The following MSI2 variants were observed in gnomAD, a reference collection of about 807,000 sequenced individuals.
The protein encoded by MSI2 is musashi RNA binding protein 2.
A neutral mutation model predicts 45.6 loss-of-function variants in MSI2; 17 were observed. The ratio of observed to expected loss-of-function variants is 0.37; its 90% CI spans 0.26 to 0.56. MSI2 has a LOEUF of 0.56. Ranked by LOEUF, MSI2 falls within the 20% of genes least tolerant of loss-of-function variation. The pLI, the probability that MSI2 is intolerant of heterozygous loss-of-function variation, is 0.77. For missense variants in MSI2, 293 were observed against 444.2 expected (o/e 0.66, Z 3.06); for synonymous variants, 156 against 158.2 (o/e 0.99, Z 0.11).
chr17:57,594,392 G>T (rs984192921), intron 7 of MSI2, among the ~76,000 whole-genome samples: 7 of 152,186 alleles, frequency 4.6e-5, no homozygotes, highest in African/African-American at 1.7e-4. Context: ...GACTGGGTGG[G>T]AGTTTTAACC....
chr17:57,639,228 A>G (rs114101458), intron 10 of MSI2, among the ~76,000 whole-genome samples: 2,904 of 152,274 alleles, frequency 0.019, 59 homozygotes, highest in South Asian at 0.073. Context: ...AGCGGGCAAC[A>G]TCCGAGCCGA....
chr17:57,391,630 C>G (rs1451534828), intron 5 of MSI2, among the ~76,000 whole-genome samples: 1 of 152,154 alleles, frequency 6.6e-6, no homozygotes, highest in African/African-American at 2.4e-5. Flanking sequence ...GAATTCCACC[C>G]TGGGTGGGCA....
chr17:57,508,327 C>T (rs930409823), intron 6 of MSI2, among the ~76,000 whole-genome samples: 2 of 151,468 alleles, frequency 1.3e-5, no homozygotes, highest in South Asian at 2.1e-4. Flanking sequence ...ACCTCCAGCC[C>T]CTACCATGTA....
intron 5 of MSI2, among the ~76,000 whole-genome samples, chr17:57,381,508 A>G (rs1220425126): frequency 1.3e-5 from 2 of 151,840 alleles, no homozygotes; most frequent in Non-Finnish European, 2.9e-5. Flanking sequence ...CTGTTACCTT[A>G]TTGTTCCCCC....
At chr17:57,261,408 G>T (rs1326548862) in intron 4 of MSI2, among the ~76,000 whole-genome samples, 1 of 151,686 alleles carries the variant, frequency 6.6e-6, no homozygotes, top group African/African-American at 2.4e-5. Flanking sequence ...TTCTAATTTG[G>T]GTTTAGGTTG....
rs1222117389 is a variant in MSI2 at position 57,652,284 on chromosome 17, AGG to A, written c.790+127_790+128del. 1.0e-6 allele frequency: 1 copy of A among 963,180 alleles called. No homozygotes were observed. The highest frequency in any genetic ancestry group is 1.5e-6 in the Non-Finnish European group (1 of 649,730). The allele number at this position is 963,180 out of a possible 1,614,324, so 59.7% of individuals were successfully genotyped here. ...CACCACTCTCACCACAGCCCCGGGG[AGG>A]GGGTGGACGGGGAGGGGGTGGACCG... On this transcript the variant is annotated intron_variant, in intron 11 of 13. Transcript: ENST00000284073. The surrounding 1 kb of genome is among the most constrained non-coding windows in gnomAD (Gnocchi z 4.1).
intron 5 of MSI2, among the ~76,000 whole-genome samples, chr17:57,351,196 G>T (rs1055337731): frequency 1.3e-5 from 2 of 152,030 alleles, no homozygotes; most frequent in Non-Finnish European, 2.9e-5. Context: ...GTCTTGCAAG[G>T]CACAAGCAGG....
chr17:57,615,171 A>G (rs562031788), intron 8 of MSI2, among the ~76,000 whole-genome samples: 8 of 146,186 alleles, frequency 5.5e-5, no homozygotes, highest in Non-Finnish European at 6.0e-5. Flanking sequence ...TGTGTCACCC[A>G]GGCTGGAGTG....
intron 6 of MSI2, among the ~76,000 whole-genome samples, chr17:57,453,624 C>T: frequency 6.6e-6 from 1 of 152,222 alleles, no homozygotes; most frequent in South Asian, 2.1e-4. Flanking sequence ...CAGCATATAC[C>T]TTGTGCCGGG....
chr17:57,645,977 G>A (rs1598487728), intron 10 of MSI2, among the ~76,000 whole-genome samples: 1 of 152,304 alleles, frequency 6.6e-6, no homozygotes, highest in East Asian at 1.9e-4. Flanking sequence ...CTGGGGTGGA[G>A]GATCGTGGGA....
At chr17:57,442,096 G>T (rs529411676) in intron 6 of MSI2, among the ~76,000 whole-genome samples, 18 of 151,434 alleles carry the variant, frequency 1.2e-4, no homozygotes, top group Non-Finnish European at 2.2e-4. Context: ...GAGTGCAGTG[G>T]TGCGATCTCG....
At chr17:57,595,569 C>T (rs1220322920) in intron 7 of MSI2, among the ~76,000 whole-genome samples, 2 of 152,102 alleles carry the variant, frequency 1.3e-5, no homozygotes, top group African/African-American at 2.4e-5. Context: ...GTTGCATCCT[C>T]GCATGGTAGA....
At chr17:57,288,015 A>G (rs558235660) in intron 5 of MSI2, among the ~76,000 whole-genome samples, 4 of 152,264 alleles carry the variant, frequency 2.6e-5, no homozygotes, top group African/African-American at 7.2e-5. Flanking sequence ...TTATTCCTCC[A>G]TCCCTCTGTC....
chr17:57,308,193 C>T (rs188150903), intron 5 of MSI2, among the ~76,000 whole-genome samples: 8 of 152,260 alleles, frequency 5.3e-5, no homozygotes, highest in East Asian at 1.9e-4. Flanking sequence ...TTAAATGAGA[C>T]GACGTGCCTG....
At chr17:57,409,228 G>A (rs892314728) in intron 6 of MSI2, among the ~76,000 whole-genome samples, 10 of 152,122 alleles carry the variant, frequency 6.6e-5, no homozygotes, top group African/African-American at 2.4e-4. Flanking sequence ...CCAATCATGA[G>A]GCACACGGCT....
At chr17:57,615,268 C>A (rs1269095680) in intron 8 of MSI2, among the ~76,000 whole-genome samples, 1 of 151,868 alleles carries the variant, frequency 6.6e-6, no homozygotes, top group African/African-American at 2.4e-5. Flanking sequence ...GCTGGGACTA[C>A]AGGTGTGTGC....
chr17:57,511,584 G>A (rs1463954280), intron 6 of MSI2, among the ~76,000 whole-genome samples: 1 of 152,138 alleles, frequency 6.6e-6, no homozygotes, highest in East Asian at 1.9e-4. Context: ...TCTCTCGTGC[G>A]TACGGATGTT....
the MSI2 span, among the ~76,000 whole-genome samples, chr17:57,701,067 C>T: frequency 6.6e-6 from 1 of 152,040 alleles, no homozygotes; most frequent in Non-Finnish European, 1.5e-5. Context: ...AGTTTAATCC[C>T]CTTGAATAGG....
intron 9 of MSI2, 33 bp downstream of exon 9, chr17:57,616,117 A>T (rs772276109): frequency 1.9e-6 from 3 of 1,565,354 alleles, no homozygotes; most frequent in Non-Finnish European, 2.6e-6. Context: ...GTCACCATGG[A>T]CTGGGAGGGC....
Sources: gnomAD v4.1 joint callset for allele counts (sites outside exome capture counted in the v4.1 genomes callset) on GRCh38, gnomAD v4.1.1 for gene constraint, Gnocchi (gnomAD v3.1) non-coding constraint, MANE v1.5 for transcripts, NCBI Gene and HGNC (gene_info 2026-07-23, HGNC 2026-07-21) for gene names.